The following COL3A1 variants were observed in gnomAD, a reference collection of about 807,000 sequenced individuals.
COL3A1 encodes the protein collagen alpha-1(III) chain.
In COL3A1, 46 loss-of-function variants were observed where a neutral mutation model predicts 200.9. That is an observed-to-expected ratio of 0.23 (90% CI 0.18 to 0.29). COL3A1 has a LOEUF of 0.29. COL3A1 is among the 10% of genes least tolerant of loss of function. COL3A1 has a pLI of 1.00. For missense variants in COL3A1, 1,367 were observed against 1,917.6 expected (o/e 0.71, Z 5.36); for synonymous variants, 650 against 628.0 (o/e 1.03, Z -0.52).
chr2:189,003,942 T>C, intron 38 of COL3A1, 40 bp from the exon 39 acceptor site: 1 of 1,571,296 alleles, frequency 6.4e-7, no homozygotes, highest in Non-Finnish European at 8.6e-7. Context: ...AAAATGCACT[T>C]TTTATTATAA....
intron 43 of COL3A1, among the ~76,000 whole-genome samples, 172 bp from the exon 44 acceptor site, chr2:189,006,765 A>G (rs1235216522): frequency 6.6e-6 from 1 of 152,196 alleles, no homozygotes; most frequent in African/African-American, 2.4e-5. Flanking sequence ...CCCCTGAGAA[A>G]GCTATAAACA....
chr2:188,997,669 T>A, intron 26 of COL3A1, 31 bp from the exon 27 acceptor site: 1 of 1,601,354 alleles, frequency 6.2e-7, no homozygotes, highest in Non-Finnish European at 8.6e-7. Context: ...AAAGGATGTT[T>A]ACAACAGAGT....
Position 189,004,322 on chromosome 2 carries a change from C to T in COL3A1, c.2889C>T (p.Gly963=). 3 of 1,607,240 alleles carry T rather than the reference C, an allele frequency of 1.9e-6. No homozygotes were observed. Among genetic ancestry groups the T allele is most frequent in the Non-Finnish European group, 2.5e-6 (3 of 1,177,216 alleles). ...TGARGLAGPP[G]MPGPRGSPGP... is the part of the protein sequence containing the mutation. ...CACGGGGTCTTGCAGGACCACCAGGCATGCCAGGTCCTAGGGGAAGCCCTG... is the reference window on the plus strand; with the variant it reads ...CACGGGGTCTTGCAGGACCACCAGGTATGCCAGGTCCTAGGGGAAGCCCTG... The change falls in exon 40 of 51, where the codon GGC becomes GGT. Residue 963 remains glycine, a synonymous_variant. Coordinates refer to ENST00000304636, the MANE Select transcript of COL3A1 (RefSeq NM_000090.4).
chr2:189,011,463 T>C (rs1688722519), intron 50 of COL3A1, among the ~76,000 whole-genome samples, 165 bp from the exon 51 acceptor site: 5 of 152,258 alleles, frequency 3.3e-5, no homozygotes, highest in Admixed American at 3.3e-4. Flanking sequence ...GTTTATCAAC[T>C]AAGAAGATTA....
chr2:188,988,250 C>A, intron 6 of COL3A1, 116 bp downstream of exon 6: 1 of 926,004 alleles, frequency 1.1e-6, no homozygotes, highest in South Asian at 1.4e-5. Flanking sequence ...CTAGAGAAAT[C>A]ATAACCAAGA....
chr2:189,011,535 T>G, intron 50 of COL3A1, 93 bp from the exon 51 acceptor site: 1 of 1,453,812 alleles, frequency 6.9e-7, no homozygotes, highest in Non-Finnish European at 9.6e-7. Flanking sequence ...TGAATGCTTC[T>G]TTAGAGTAAA....
intron 7 of COL3A1, 85 bp from the exon 8 acceptor site, chr2:188,989,311 C>G (rs1418534800): frequency 1.0e-6 from 1 of 969,106 alleles, no homozygotes; most frequent in Non-Finnish European, 1.6e-6. Context: ...AAGGAGGTTC[C>G]TTCCAGGAAT....
intron 26 of COL3A1, 61 bp from the exon 27 acceptor site, chr2:188,997,639 G>T: frequency 6.6e-7 from 1 of 1,526,546 alleles, no homozygotes; most frequent in Non-Finnish European, 9.1e-7. Flanking sequence ...TGTTGAAATG[G>T]ATACTGTAGA....
intron 15 of COL3A1, 93 bp downstream of exon 15, chr2:188,993,033 T>A: frequency 8.7e-7 from 1 of 1,145,194 alleles, no homozygotes; most frequent in Non-Finnish European, 1.3e-6. Flanking sequence ...TTTTAATCAG[T>A]CAAATGGATA....
intron 50 of COL3A1, among the ~76,000 whole-genome samples, chr2:189,011,296 C>T (rs1270144752): frequency 1.3e-5 from 2 of 152,136 alleles, no homozygotes; most frequent in Admixed American, 6.6e-5. Flanking sequence ...CTAATATTAG[C>T]GAATTTCATT....
chr2:188,994,305 T>C lies in COL3A1; in HGVS notation c.1266T>C (p.Asn422=). 1 of 1,613,794 alleles carries C rather than the reference T, an allele frequency of 6.2e-7. No homozygotes were observed. The highest frequency in any genetic ancestry group is 8.5e-7 in the Non-Finnish European group (1 of 1,179,966). ...ARGPPGPAGA[N]GAPGLRGGAG... is the part of the protein sequence containing the mutation. ...GTCCTCCAGGACCAGCCGGTGCTAATGGTGCTCCTGGACTGCGAGGTGGTG... is the reference window on the plus strand; with the variant it reads ...GTCCTCCAGGACCAGCCGGTGCTAACGGTGCTCCTGGACTGCGAGGTGGTG... The change falls in exon 18 of 51, where the codon AAT becomes AAC. Residue 422 remains asparagine (N), a synonymous_variant. Transcript: ENST00000304636. This position sits in a 1 kb window ranked among gnomAD's most constrained non-coding sequence, Gnocchi z 4.5.
chr2:188,980,994 T>C, intron 1 of COL3A1, among the ~76,000 whole-genome samples: 1 of 151,372 alleles, frequency 6.6e-6, no homozygotes, highest in Non-Finnish European at 1.5e-5. Flanking sequence ...GGAAAAAACA[T>C]TCACTTTTCA....
chr2:189,009,798 A>G (rs1020547722), intron 48 of COL3A1, among the ~76,000 whole-genome samples: 84 of 152,308 alleles, frequency 5.5e-4, no homozygotes, highest in African/African-American at 1.9e-3. Context: ...AGCATCAATC[A>G]TAGGGATTTC....
At chr2:189,005,550 T>C in intron 41 of COL3A1, 93 bp downstream of exon 41, 2 of 967,940 alleles carry the variant, frequency 2.1e-6, no homozygotes, top group Non-Finnish European at 3.3e-6. Flanking sequence ...AGAGTGTAAA[T>C]ATGGCCACAT....
intron 7 of COL3A1, 106 bp downstream of exon 7, chr2:188,988,749 A>G: frequency 1.3e-6 from 1 of 770,054 alleles, no homozygotes; most frequent in Non-Finnish European, 2.2e-6. Flanking sequence ...GATTAAATTT[A>G]CCCTTAAGTT....
At chr2:189,000,787 C>A (rs1255105536) in intron 32 of COL3A1, among the ~76,000 whole-genome samples, 1 of 152,062 alleles carries the variant, frequency 6.6e-6, no homozygotes, top group East Asian at 1.9e-4. Context: ...TCCTATGAAT[C>A]TATAATTCAA....
chr2:188,981,323 G>A (rs1687948270), intron 1 of COL3A1, among the ~76,000 whole-genome samples: 1 of 151,424 alleles, frequency 6.6e-6, no homozygotes, highest in Non-Finnish European at 1.5e-5. Flanking sequence ...TCCCAGCAAG[G>A]AGATGATTGA....
At chr2:188,987,931 A>G (rs1450209336) in intron 5 of COL3A1, 150 bp from the exon 6 acceptor site, 1 of 672,472 alleles carries the variant, frequency 1.5e-6, no homozygotes, top group Non-Finnish European at 2.7e-6. Context: ...GATCTTCATT[A>G]TAGATCTCAT....
chr2:188,982,224 T>C (rs1687968432), intron 1 of COL3A1, among the ~76,000 whole-genome samples: 2 of 151,726 alleles, frequency 1.3e-5, no homozygotes, highest in South Asian at 2.1e-4. Flanking sequence ...AAAAGTACTA[T>C]AATATGTTTC....
Sources: gnomAD v4.1 joint callset for allele counts (sites outside exome capture counted in the v4.1 genomes callset) on GRCh38, gnomAD v4.1.1 for gene constraint, Gnocchi (gnomAD v3.1) non-coding constraint, MANE v1.5 for transcripts, NCBI Gene and HGNC (gene_info 2026-07-23, HGNC 2026-07-21) for gene names.